Variants in CDKAL1 observed in about 807,000 individuals in gnomAD.
The protein encoded by CDKAL1 is threonylcarbamoyladenosine tRNA methylthiotransferase.
A neutral mutation model predicts 68.2 loss-of-function variants in CDKAL1; 32 were observed. The observed-to-expected ratio is 0.47, with a 90% CI of 0.35 to 0.63. CDKAL1 has a LOEUF of 0.63. CDKAL1 is among the 30% of genes least tolerant of loss of function. The probability of loss-of-function intolerance (pLI) is 0.00; values close to 1 mark genes in which losing one functional copy is unlikely to be tolerated. For missense variants in CDKAL1, 606 were observed against 696.7 expected, an observed-to-expected ratio of 0.87 and a Z score of 1.47; for synonymous variants, 234 against 244.3, an observed-to-expected ratio of 0.96 and a Z score of 0.39.
At chr6:20,784,321 T>G (rs1202899442) in intron 8 of CDKAL1, among the ~76,000 whole-genome samples, 1 of 150,070 alleles carries the variant, frequency 6.7e-6, no homozygotes, top group Non-Finnish European at 1.5e-5. Context: ...AAATGCTGCC[T>G]AAATAGTTGT....
chr6:21,010,564 A>G (rs1767953734), intron 11 of CDKAL1, among the ~76,000 whole-genome samples: 2 of 152,134 alleles, frequency 1.3e-5, no homozygotes, highest in African/African-American at 2.4e-5. Flanking sequence ...TCTCACATTC[A>G]CTGAGCCCTC....
chr6:21,047,415 C>T (rs753149623), intron 11 of CDKAL1, among the ~76,000 whole-genome samples: 4 of 152,144 alleles, frequency 2.6e-5, no homozygotes, highest in Non-Finnish European at 4.4e-5. Flanking sequence ...GAGCTAACCT[C>T]TAGGACGTAA....
intron 5 of CDKAL1, among the ~76,000 whole-genome samples, chr6:20,710,852 T>G (rs994901511): frequency 2.0e-5 from 3 of 152,228 alleles, no homozygotes; most frequent in African/African-American, 7.2e-5. Context: ...AGCATTATGA[T>G]ATTATGGAGA....
chr6:21,046,670 GC>G (rs1406685922), intron 11 of CDKAL1, among the ~76,000 whole-genome samples: 2 of 152,176 alleles, frequency 1.3e-5, no homozygotes, highest in Non-Finnish European at 2.9e-5. Context: ...AAGTGACAGG[GC>G]CTTCACATAA....
At chr6:20,787,906 C>T (rs140222494) in intron 8 of CDKAL1, among the ~76,000 whole-genome samples, 2 of 152,322 alleles carry the variant, frequency 1.3e-5, no homozygotes, top group African/African-American at 4.8e-5. Flanking sequence ...AAAAATCCTG[C>T]TCTGTCACTA....
intron 13 of CDKAL1, among the ~76,000 whole-genome samples, chr6:21,137,861 G>A (rs1775692000): frequency 6.6e-6 from 1 of 152,168 alleles, no homozygotes; most frequent in Admixed American, 6.5e-5. Flanking sequence ...TAATATCACA[G>A]CTATTCAGTT....
intron 15 of CDKAL1, among the ~76,000 whole-genome samples, chr6:21,212,519 G>A (rs1467133194): frequency 6.6e-6 from 1 of 152,106 alleles, no homozygotes; most frequent in South Asian, 2.1e-4. Context: ...TAGTTTCCTA[G>A]TTTCCCTTCT....
At chr6:20,578,090 C>T (rs1764986856) in intron 4 of CDKAL1, among the ~76,000 whole-genome samples, 1 of 152,162 alleles carries the variant, frequency 6.6e-6, no homozygotes, top group Non-Finnish European at 1.5e-5. Flanking sequence ...TGTAACCTTC[C>T]TTCCCCTAAA....
chr6:20,724,378 C>CT (rs1772542063), intron 5 of CDKAL1, among the ~76,000 whole-genome samples: 1 of 151,942 alleles, frequency 6.6e-6, no homozygotes, highest in Admixed American at 6.6e-5. Flanking sequence ...GTTTGATAAC[C>CT]TTTTATGAGG....
chr6:20,872,922 T>C (rs749598312), intron 9 of CDKAL1, among the ~76,000 whole-genome samples: 1 of 152,164 alleles, frequency 6.6e-6, no homozygotes, highest in Non-Finnish European at 1.5e-5. Context: ...GACCAAGGAT[T>C]GTAGCCTGAG....
intron 8 of CDKAL1, among the ~76,000 whole-genome samples, chr6:20,844,472 T>G (rs1220947522): frequency 6.6e-6 from 1 of 152,060 alleles, no homozygotes; most frequent in Non-Finnish European, 1.5e-5. Flanking sequence ...GCAGGCTACT[T>G]ATCTGATTTT....
intron 10 of CDKAL1, among the ~76,000 whole-genome samples, chr6:20,991,731 A>T (rs1393950983): frequency 1.4e-5 from 2 of 144,954 alleles, no homozygotes; most frequent in Non-Finnish European, 3.0e-5. Context: ...AAAAAAAAAA[A>T]TCAACCAGGC....
At chr6:20,634,586 G>C (rs946902695) in intron 4 of CDKAL1, among the ~76,000 whole-genome samples, 10 of 152,232 alleles carry the variant, frequency 6.6e-5, no homozygotes, top group African/African-American at 2.4e-4. Context: ...GGTGGTAGTA[G>C]TGATAAGTAG....
chr6:20,644,279 G>T (rs1400912208), intron 4 of CDKAL1, among the ~76,000 whole-genome samples: 1 of 151,938 alleles, frequency 6.6e-6, no homozygotes, highest in Non-Finnish European at 1.5e-5. Flanking sequence ...AATCCTGATT[G>T]CCTATTGTTT....
intron 11 of CDKAL1, among the ~76,000 whole-genome samples, chr6:21,039,921 A>T (rs1417897802): frequency 6.6e-6 from 1 of 151,800 alleles, no homozygotes; most frequent in Non-Finnish European, 1.5e-5. Flanking sequence ...AAATTAGTGT[A>T]GTTTCAGTGG....
intron 8 of CDKAL1, among the ~76,000 whole-genome samples, chr6:20,810,649 TG>T (rs1272247372): frequency 7.4e-6 from 1 of 134,572 alleles, no homozygotes; most frequent in Admixed American, 7.3e-5. Flanking sequence ...TGTGTGTGTG[TG>T]TGTGTGTGTG....
chr6:20,885,953 G>C (rs143579510), intron 9 of CDKAL1, among the ~76,000 whole-genome samples: 1 of 151,914 alleles, frequency 6.6e-6, no homozygotes, highest in Non-Finnish European at 1.5e-5. Flanking sequence ...CCCAGAAATC[G>C]CTTGAACCAG....
chr6:20,769,044 A>G (rs1017900320), intron 7 of CDKAL1, among the ~76,000 whole-genome samples: 2 of 151,984 alleles, frequency 1.3e-5, no homozygotes, highest in African/African-American at 4.8e-5. Context: ...CCTGAGGTGG[A>G]AAAACAGCCT....
chr6:20,715,762 A>G (rs927274196), intron 5 of CDKAL1, among the ~76,000 whole-genome samples: 3 of 152,202 alleles, frequency 2.0e-5, no homozygotes, highest in Non-Finnish European at 2.9e-5. Context: ...GGATATTCTG[A>G]AAATATATTT....
Sources: gnomAD v4.1 joint callset for allele counts (sites outside exome capture counted in the v4.1 genomes callset) on GRCh38, gnomAD v4.1.1 for gene constraint, MANE v1.5 for transcripts, NCBI Gene and HGNC (gene_info 2026-07-23, HGNC 2026-07-21) for gene names.